The following CEP83 variants were observed in gnomAD, a reference collection of about 807,000 sequenced individuals.
CEP83 encodes the protein centrosomal protein of 83 kDa.
CEP83 carries 70 observed loss-of-function variants against 101.9 expected under a neutral mutation model. The ratio of observed to expected loss-of-function variants is 0.69; its 90% confidence interval spans 0.57 to 0.84. The LOEUF is 0.84. CEP83 is among the 40% of genes least tolerant of loss of function. The pLI is 0.00. For synonymous variants in CEP83, 264 were observed against 267.9 expected (o/e 0.99, Z 0.14); for missense variants, 715 against 787.2 (o/e 0.91, Z 1.10).
chr12:94,277,755 T>C, the CEP83 span: 10 of 354,658 alleles, frequency 2.8e-5, no homozygotes, highest in African/African-American at 6.4e-5. Context: ...ATGCCAACAA[T>C]AGTAATTGTA....
At chr12:94,280,045 G>A in the CEP83 span, 7 of 350,898 alleles carry the variant, frequency 2.0e-5, no homozygotes, top group Non-Finnish European at 2.8e-5. Context: ...GATACTGAGC[G>A]TGTCATTACT....
At chr12:94,300,641 T>G in the CEP83 span, among the ~76,000 whole-genome samples, 1 of 152,128 alleles carries the variant, frequency 6.6e-6, no homozygotes, top group Non-Finnish European at 1.5e-5. Context: ...GTGAGAGAGA[T>G]TATAATCAAG....
chr12:94,333,755 T>C, intron 12 of CEP83, 116 bp from the exon 13 acceptor site: 1 of 884,328 alleles, frequency 1.1e-6, no homozygotes, highest in South Asian at 1.6e-5. Flanking sequence ...AGCTGGTGTG[T>C]CCTTGGAGAT....
intron 11 of CEP83, among the ~76,000 whole-genome samples, chr12:94,336,647 G>A (rs1468248722): frequency 6.6e-6 from 1 of 152,184 alleles, no homozygotes; most frequent in Non-Finnish European, 1.5e-5. Flanking sequence ...ATTGCTTCCT[G>A]AGACGTTTAC....
the CEP83 span, among the ~76,000 whole-genome samples, chr12:94,278,382 G>A: frequency 6.6e-6 from 1 of 152,208 alleles, no homozygotes; most frequent in Non-Finnish European, 1.5e-5. Context: ...TGTTGTTTTA[G>A]ATCTATTTGT....
At chr12:94,325,132 C>T (rs1387191113) in intron 14 of CEP83, among the ~76,000 whole-genome samples, 1 of 152,062 alleles carries the variant, frequency 6.6e-6, no homozygotes, top group Non-Finnish European at 1.5e-5. Context: ...CTTGCCTGAC[C>T]ACCTACATAA....
Position 94,368,164 on chromosome 12 carries a change from A to G in CEP83, c.1086T>C (p.Val362=). The part of the protein sequence containing the change: ...QSDNEILKAA[V]EHHKVLLVEK... The stretch of plus-strand genomic sequence containing the variant: ...CTACTAAGAGCACTTTGTGATGTTC[A>G]ACAGCTGCTTTGAGAATTTCATTGT... Residue 362 remains valine, a synonymous_variant, in exon 10 of 17, where the codon GTT becomes GTC. Coordinates refer to ENST00000397809, the MANE Select transcript of CEP83 (RefSeq NM_016122.3). 6.2e-7 allele frequency: 1 copy of G among 1,612,956 alleles called. No individual in the cohort carries two copies. The highest frequency in any genetic ancestry group is 8.5e-7 in the Non-Finnish European group (1 of 1,179,406).
At chr12:94,289,645 C>T in the CEP83 span, among the ~76,000 whole-genome samples, 1 of 152,154 alleles carries the variant, frequency 6.6e-6, no homozygotes. Context: ...ACTCTGCATT[C>T]CAGGGCACTT....
At chr12:94,440,954 G>C (rs998372551) in intron 1 of CEP83, among the ~76,000 whole-genome samples, 3 of 152,138 alleles carry the variant, frequency 2.0e-5, no homozygotes, top group African/African-American at 7.2e-5. Flanking sequence ...TCAACAAATG[G>C]TGCTGGGACA....
chr12:94,297,191 G>A, the CEP83 span: 1 of 1,613,840 alleles, frequency 6.2e-7, no homozygotes, highest in East Asian at 2.2e-5. Context: ...GCATTCAGAT[G>A]TGGAGTACTC....
intron 14 of CEP83, among the ~76,000 whole-genome samples, chr12:94,320,038 T>G (rs1971380103): frequency 6.6e-6 from 1 of 152,220 alleles, no homozygotes; most frequent in Non-Finnish European, 1.5e-5. Flanking sequence ...GCTCCTATGT[T>G]GGGTGCATAT....
chr12:94,434,902 T>C (rs2065886477), intron 2 of CEP83, among the ~76,000 whole-genome samples: 1 of 152,218 alleles, frequency 6.6e-6, no homozygotes, highest in Non-Finnish European at 1.5e-5. Flanking sequence ...CACGGTGTCA[T>C]GTTGGTGTTC....
At chr12:94,372,013 G>A (rs376171591) in intron 8 of CEP83, among the ~76,000 whole-genome samples, 14 of 152,126 alleles carry the variant, frequency 9.2e-5, no homozygotes, top group East Asian at 5.8e-4. Context: ...TCGCTCTGTC[G>A]CCCAGGCTGG....
chr12:94,449,672 C>T lies in CEP83; in HGVS notation c.-155+9885G>A, dbSNP rs1241959303. 2.7e-5 allele frequency among the ~76,000 whole-genome samples: 4 copies of T among 146,434 alleles called. No homozygotes were observed. The South Asian group carries it at 6.5e-4, about 24-fold the overall frequency. On this transcript the variant is annotated intron_variant, in intron 1 of 16. Coordinates refer to ENST00000397809, the MANE Select transcript of CEP83 (RefSeq NM_016122.3). ...CCTGTAGCCCCAGCCACTTGGGAGG[C>T]GGAAGCCGGAGAATCGCATGAGCCC... is the stretch of plus-strand genomic sequence containing the variant.
chr12:94,400,784 A>T (rs987000722), intron 6 of CEP83, 66 bp downstream of exon 6: 53 of 992,666 alleles, frequency 5.3e-5, no homozygotes, highest in Non-Finnish European at 6.3e-5. Context: ...ATTTTTAAAA[A>T]TATATAATTA....
intron 11 of CEP83, among the ~76,000 whole-genome samples, chr12:94,338,163 A>C (rs762109941): frequency 6.6e-6 from 1 of 152,220 alleles, no homozygotes; most frequent in Admixed American, 6.5e-5. Flanking sequence ...AAGTAGAATA[A>C]AGATAAAAGA....
At chr12:94,449,336 T>C (rs2067051861) in intron 1 of CEP83, among the ~76,000 whole-genome samples, 1 of 152,090 alleles carries the variant, frequency 6.6e-6, no homozygotes, top group African/African-American at 2.4e-5. Context: ...TAATGAATGC[T>C]ATCAAACATT....
intron 8 of CEP83, among the ~76,000 whole-genome samples, chr12:94,370,713 T>C (rs985817585): frequency 6.6e-6 from 1 of 152,170 alleles, no homozygotes; most frequent in Non-Finnish European, 1.5e-5. Flanking sequence ...CACAGCTGGA[T>C]ACAGTAACTT....
chr12:94,379,112 A>T, intron 6 of CEP83, 70 bp from the exon 7 acceptor site: 1 of 1,302,052 alleles, frequency 7.7e-7, no homozygotes, highest in Non-Finnish European at 1.1e-6. Flanking sequence ...ATGCTTTACA[A>T]GTCAGTAAAA....
Sources: gnomAD v4.1 joint callset for allele counts (sites outside exome capture counted in the v4.1 genomes callset) on GRCh38, gnomAD v4.1.1 for gene constraint, MANE v1.5 for transcripts, NCBI Gene and HGNC (gene_info 2026-07-23, HGNC 2026-07-21) for gene names.